Variants in CRACD observed in about 807,000 individuals in gnomAD.
CRACD encodes capping protein-inhibiting regulator of actin dynamics.
Under a neutral mutation model 106.8 loss-of-function variants are expected in CRACD, and 56 were observed. That is an observed-to-expected ratio of 0.52 (90% CI 0.42 to 0.66). The LOEUF (loss-of-function observed/expected upper bound fraction) is 0.66. CRACD is among the 30% of genes least tolerant of loss of function. CRACD has a pLI of 0.00. For missense variants in CRACD, 1,730 were observed against 1,623.2 expected (o/e 1.07, Z -1.13); for synonymous variants, 754 against 670.8 (o/e 1.12, Z -1.92).
chr4:56,276,244 A>G (rs2109658872), intron 3 of CRACD, among the ~76,000 whole-genome samples: 1 of 152,332 alleles, frequency 6.6e-6, no homozygotes, highest in South Asian at 2.1e-4. Flanking sequence ...GGCGTGTTAA[A>G]ACAGTTGTTA....
chr4:56,178,631 T>C (rs1325646202), intron 1 of CRACD, among the ~76,000 whole-genome samples: 1 of 152,226 alleles, frequency 6.6e-6, no homozygotes, highest in Non-Finnish European at 1.5e-5. Flanking sequence ...TTGACACCCT[T>C]GTCCATCCTG....
Position 56,315,168 on chromosome 4 carries a change from A to G in CRACD, c.1666A>G (p.Ser556Gly). ...GATTCTCTTTCCCAAAGTCAACCTG[A>G]GCCCCGTGACGCCCGCAAAGGACAC... is the stretch of plus-strand genomic sequence containing the variant. ...KQILFPKVNL[S>G]PVTPAKDTGL... The change falls in exon 8 of 11, where the codon AGC becomes GGC. Residue 556 changes from serine (S) to glycine (G), a missense_variant. This residue lies in a region of CRACD where 1,620 missense variants were observed against 1,481.6 expected (regional missense o/e 1.09). Transcript: ENST00000682029. This position sits in a 1 kb window ranked among gnomAD's most constrained non-coding sequence, Gnocchi z 4.1. The G allele has an allele frequency of 6.2e-7, 1 of 1,602,164 alleles. No homozygotes were observed. Among genetic ancestry groups the G allele is most frequent in the Non-Finnish European group, 8.5e-7 (1 of 1,174,998 alleles).
intron 6 of CRACD, 58 bp downstream of exon 6, chr4:56,310,792 C>CAA: frequency 1.1e-6 from 1 of 937,990 alleles, no homozygotes; most frequent in Non-Finnish European, 1.6e-6. Flanking sequence ...TTCATCTTCC[C>CAA]CCCCCCTTTT....
chr4:56,162,307 G>A (rs1010407545), intron 1 of CRACD, among the ~76,000 whole-genome samples: 6 of 151,870 alleles, frequency 4.0e-5, no homozygotes, highest in Non-Finnish European at 5.9e-5. Context: ...GGATTCTCCC[G>A]CCTCACCCTC....
intron 1 of CRACD, among the ~76,000 whole-genome samples, chr4:56,123,877 C>T (rs1192804941): frequency 3.3e-5 from 5 of 152,188 alleles, no homozygotes; most frequent in African/African-American, 9.7e-5. Context: ...AGAATCTGAA[C>T]AACCATGTTT....
At chr4:56,152,413 T>C (rs1009935579) in intron 1 of CRACD, among the ~76,000 whole-genome samples, 1 of 151,478 alleles carries the variant, frequency 6.6e-6, no homozygotes, top group Non-Finnish European at 1.5e-5. Context: ...TCATGAGGAT[T>C]ACTTGAGGCC....
chr4:56,247,860 AAAGAG>A (rs1292383431), intron 2 of CRACD, among the ~76,000 whole-genome samples: 3 of 151,738 alleles, frequency 2.0e-5, no homozygotes, highest in Non-Finnish European at 4.4e-5. Flanking sequence ...AAAAAAAAAA[AAAGAG>A]AGAGAGAGAG....
At chr4:56,295,874 T>C (rs762533159) in intron 3 of CRACD, among the ~76,000 whole-genome samples, 1 of 152,026 alleles carries the variant, frequency 6.6e-6, no homozygotes, top group Non-Finnish European at 1.5e-5. Context: ...TAGGTGAACT[T>C]GGAAGCTCAG....
At position 56,086,053 on chromosome 4, in the gene CRACD, G is replaced by A. The variant is rs540151485; in HGVS notation, c.-336+36754G>A. Among the ~76,000 whole-genome samples, 10 of 152,164 alleles carry A rather than the reference G, an allele frequency of 6.6e-5. No homozygotes were observed. In the East Asian group the frequency reaches 1.9e-3, roughly 29 times the overall value. On this transcript the variant is annotated intron_variant, in intron 1 of 10. Coordinates refer to ENST00000682029, the MANE Select transcript of CRACD (RefSeq NM_001393381.1). Reference sequence around the variant, plus strand: ...ATTTCTTATTGCATACTCATTCCTAGAGAAGCAAACAGATGAGAGGAATGG... The same window carrying A: ...ATTTCTTATTGCATACTCATTCCTAAAGAAGCAAACAGATGAGAGGAATGG...
intron 2 of CRACD, among the ~76,000 whole-genome samples, chr4:56,271,951 C>T (rs1464544152): frequency 6.6e-6 from 1 of 152,130 alleles, no homozygotes; most frequent in East Asian, 1.9e-4. Flanking sequence ...ACTGTGTTGC[C>T]CAGGCTGGTC....
At chr4:56,206,528 A>G (rs569962774) in intron 2 of CRACD, among the ~76,000 whole-genome samples, 3 of 152,324 alleles carry the variant, frequency 2.0e-5, no homozygotes, top group African/African-American at 7.2e-5. Flanking sequence ...TCTCTGTTAC[A>G]CTTATCTTTG....
intron 2 of CRACD, among the ~76,000 whole-genome samples, chr4:56,251,884 G>A (rs1186927519): frequency 6.6e-6 from 1 of 152,116 alleles, no homozygotes; most frequent in Admixed American, 6.5e-5. Flanking sequence ...TGGGAAATGT[G>A]GCCATTTTTC....
At chr4:56,054,660 C>T (rs527334179) in intron 1 of CRACD, among the ~76,000 whole-genome samples, 1 of 152,114 alleles carries the variant, frequency 6.6e-6, no homozygotes, top group African/African-American at 2.4e-5. Flanking sequence ...TAAAGAAATA[C>T]ATATTAAGTA....
At chr4:56,170,667 C>T (rs139602194) in intron 1 of CRACD, among the ~76,000 whole-genome samples, 1,912 of 152,062 alleles carry the variant, frequency 0.013, 16 homozygotes, top group Non-Finnish European at 0.018. Context: ...CATAGCAAGA[C>T]CCTATCTCTA....
At position 56,099,370 on chromosome 4, in the gene CRACD, A is replaced by G. The variant is rs1168673111; in HGVS notation, c.-336+50071A>G. ...TAATAGATACCTGTTCTTTTGGGACATGCTTTGATGATGTACTCACTTGCC... is the reference window on the plus strand; with the variant it reads ...TAATAGATACCTGTTCTTTTGGGACGTGCTTTGATGATGTACTCACTTGCC... On this transcript the variant is annotated intron_variant, in intron 1 of 10. Coordinates refer to ENST00000682029, the MANE Select transcript of CRACD (RefSeq NM_001393381.1). 3.9e-5 allele frequency among the ~76,000 whole-genome samples: 6 copies of G among 152,198 alleles called. No individual in the cohort carries two copies. The South Asian group carries it at 1.0e-3, about 26-fold the overall frequency.
intron 1 of CRACD, among the ~76,000 whole-genome samples, chr4:56,144,307 G>A (rs1232040540): frequency 2.0e-5 from 3 of 152,144 alleles, no homozygotes; most frequent in African/African-American, 4.8e-5. Context: ...AATTAAGGAG[G>A]AGCCATGAAA....
At chr4:56,250,827 C>T (rs1741009902) in intron 2 of CRACD, among the ~76,000 whole-genome samples, 1 of 152,160 alleles carries the variant, frequency 6.6e-6, no homozygotes, top group Non-Finnish European at 1.5e-5. Flanking sequence ...ATACAGTATA[C>T]TAATATTACT....
At chr4:56,121,564 A>C (rs1734484443) in intron 1 of CRACD, among the ~76,000 whole-genome samples, 1 of 152,120 alleles carries the variant, frequency 6.6e-6, no homozygotes, top group African/African-American at 2.4e-5. Flanking sequence ...GAATTGCTTG[A>C]ACCTGGGAGG....
Position 56,314,769 on chromosome 4 carries a change from C to G in CRACD, c.1267C>G (p.Leu423Val). The G allele has an allele frequency of 6.3e-7, 1 of 1,594,118 alleles. No homozygotes were observed. Among genetic ancestry groups the G allele is most frequent in the Non-Finnish European group, 8.5e-7 (1 of 1,171,754 alleles). Residue 423 changes from leucine to valine, a missense_variant, in exon 8 of 11, where the codon CTG becomes GTG. Around this residue, in one of 5 missense-constraint regions of CRACD, gnomAD observed 1,620 missense variants for 1,481.6 expected, o/e 1.09. Transcript: ENST00000682029. This position sits in a 1 kb window ranked among gnomAD's most constrained non-coding sequence, Gnocchi z 4.4. Reference protein sequence around the residue: ...EDWRGQLSELLNDFEERLEDQ... With the variant: ...EDWRGQLSELVNDFEERLEDQ... ...CTGGAGGGGGCAGCTCAGTGAGCTT[C>G]TGAACGACTTTGAGGAGAGGCTCGA...
Sources: gnomAD v4.1 joint callset for allele counts (sites outside exome capture counted in the v4.1 genomes callset) on GRCh38, gnomAD v4.1.1 for gene constraint, gnomAD v4.1.1 regional missense constraint, Gnocchi (gnomAD v3.1) non-coding constraint, MANE v1.5 for transcripts, NCBI Gene and HGNC (gene_info 2026-07-23, HGNC 2026-07-21) for gene names.